Variants in MAF observed in about 807,000 individuals in gnomAD.
MAF encodes transcription factor Maf.
In MAF, 10 loss-of-function variants were observed where a neutral mutation model predicts 22.0. The observed-to-expected ratio is 0.45, with a 90% CI of 0.28 to 0.77. The LOEUF is 0.77. MAF is among the 30% of genes least tolerant of loss of function. The pLI is 0.12. For missense variants in MAF, 544 were observed against 548.4 expected (o/e 0.99, Z 0.08); for synonymous variants, 337 against 255.8 (o/e 1.32, Z -3.03).
the MAF span, among the ~76,000 whole-genome samples, chr16:79,400,251 G>A: frequency 2.4e-4 from 36 of 152,206 alleles, no homozygotes; most frequent in Non-Finnish European, 5.0e-4. Context: ...CTGGGCTAGA[G>A]AACATCCCTT....
chr16:79,599,816 C>T lies in MAF; in HGVS notation c.87G>A (p.Lys29=). The T allele has an allele frequency of 6.2e-7, 1 of 1,612,858 alleles. No homozygotes were observed. Among genetic ancestry groups the T allele is most frequent in the Non-Finnish European group, 8.5e-7 (1 of 1,179,940 alleles). The change falls in exon 1 of 2, where the codon AAG becomes AAA. Residue 29 remains lysine (K), a synonymous_variant. Transcript: ENST00000326043. ...MEYVNDFDLM[K]FEVKKEPVET... is the part of the protein sequence containing the mutation. ...CCACCGGTTCCTTTTTCACTTCAAA[C>T]TTCATCAGATCGAAGTCATTAACAT...
the MAF span, among the ~76,000 whole-genome samples, chr16:79,306,869 T>C: frequency 6.6e-6 from 1 of 152,240 alleles, no homozygotes; most frequent in South Asian, 2.1e-4. Context: ...AAAATGGAGA[T>C]GATAACAGTA....
chr16:79,476,764 C>T, the MAF span, among the ~76,000 whole-genome samples: 3 of 152,150 alleles, frequency 2.0e-5, no homozygotes, highest in Non-Finnish European at 4.4e-5. Context: ...GACTTGGAGT[C>T]ACATGGTACC....
chr16:79,431,286 G>A, the MAF span, among the ~76,000 whole-genome samples: 3 of 152,136 alleles, frequency 2.0e-5, no homozygotes, highest in Non-Finnish European at 4.4e-5. Context: ...TGATACTTAG[G>A]CTGCTGAGGA....
downstream of MAF, chr16:79,585,830 GAAA>G (rs59488209): frequency 0.61 from 315,478 of 520,980 alleles, 71,167 homozygotes; most frequent in Admixed American, 0.73. Flanking sequence ...CAAAGAAAAG[GAAA>G]AAAAAAAAAA....
At chr16:79,592,855 A>G (rs1913265130), downstream of MAF, among the ~76,000 whole-genome samples, 7 of 152,258 alleles carry the variant, frequency 4.6e-5, 1 homozygote, top group South Asian at 1.4e-3. Flanking sequence ...TTCAAAAATC[A>G]AATGACAGTG....
the MAF span, among the ~76,000 whole-genome samples, chr16:79,544,548 G>C: frequency 6.6e-6 from 1 of 152,140 alleles, no homozygotes; most frequent in African/African-American, 2.4e-5. Context: ...ACCGAGTTGG[G>C]TGGATCACAA....
chr16:79,536,976 G>A, the MAF span, among the ~76,000 whole-genome samples: 1 of 152,178 alleles, frequency 6.6e-6, no homozygotes, highest in Non-Finnish European at 1.5e-5. Flanking sequence ...TGTCAGTAGA[G>A]AGACCTTTTA....
At chr16:79,596,683 TC>T in intron 1 of MAF, 2 of 1,038,484 alleles carry the variant, frequency 1.9e-6, no homozygotes, top group South Asian at 4.6e-5. Flanking sequence ...ACTTTTCATT[TC>T]TTTTTAAAGA....
At chr16:79,509,140 T>C in the MAF span, among the ~76,000 whole-genome samples, 1 of 152,228 alleles carries the variant, frequency 6.6e-6, no homozygotes. Context: ...GTTGCACTGC[T>C]GAAGTTACTT....
the MAF span, among the ~76,000 whole-genome samples, chr16:79,506,495 G>C: frequency 6.6e-6 from 1 of 152,224 alleles, no homozygotes; most frequent in Non-Finnish European, 1.5e-5. Flanking sequence ...AGGCTCTCCT[G>C]CATGGGAACT....
chr16:79,421,027 T>C, the MAF span, among the ~76,000 whole-genome samples: 5 of 149,736 alleles, frequency 3.3e-5, no homozygotes, highest in East Asian at 7.8e-4. Context: ...AGCGAGACTC[T>C]GTCTCAAAAA....
chr16:79,493,246 G>A, the MAF span, among the ~76,000 whole-genome samples: 14 of 152,044 alleles, frequency 9.2e-5, no homozygotes, highest in Admixed American at 9.2e-4. Context: ...ACAGTGGCAT[G>A]ATCTCGACTC....
the MAF span, among the ~76,000 whole-genome samples, chr16:79,470,471 G>C: frequency 6.6e-6 from 1 of 152,148 alleles, no homozygotes; most frequent in Non-Finnish European, 1.5e-5. Context: ...GAAGCAAAAG[G>C]CCATGTACCA....
At chr16:79,298,462 A>G in the MAF span, among the ~76,000 whole-genome samples, 1 of 152,244 alleles carries the variant, frequency 6.6e-6, no homozygotes, top group African/African-American at 2.4e-5. Context: ...GAGGACTATA[A>G]CAACCATATA....
chr16:79,419,478 C>T, the MAF span, among the ~76,000 whole-genome samples: 1 of 152,222 alleles, frequency 6.6e-6, no homozygotes, highest in African/African-American at 2.4e-5. Context: ...AGTTTCCATG[C>T]CGATGGCAAG....
chr16:79,516,819 G>A, the MAF span, among the ~76,000 whole-genome samples: 1 of 139,158 alleles, frequency 7.2e-6, no homozygotes. Flanking sequence ...AACAAGGAAA[G>A]ACAGAGCTAA....
chr16:79,208,890 T>G, the MAF span, among the ~76,000 whole-genome samples: 1 of 152,156 alleles, frequency 6.6e-6, no homozygotes, highest in Non-Finnish European at 1.5e-5. Context: ...CAACAAGATA[T>G]TGTTACTGCT....
the MAF span, among the ~76,000 whole-genome samples, chr16:79,576,983 T>C: frequency 9.8e-5 from 15 of 152,310 alleles, no homozygotes; most frequent in Admixed American, 8.5e-4. Flanking sequence ...TATCCAGTAA[T>C]TTCCTGAGTG....
Sources: allele counts gnomAD v4.1 joint callset (sites outside exome capture counted in the v4.1 genomes callset), GRCh38; gene constraint gnomAD v4.1.1; transcripts MANE v1.5; gene names NCBI Gene and HGNC (gene_info 2026-07-23, HGNC 2026-07-21).